The following DMD variants were observed in gnomAD, a reference collection of about 807,000 sequenced individuals.
DMD encodes dystrophin.
A neutral mutation model predicts 330.1 loss-of-function variants in DMD; 63 were observed. The ratio of observed to expected loss-of-function variants is 0.19; its 90% confidence interval spans 0.16 to 0.24. The LOEUF (loss-of-function observed/expected upper bound fraction) is 0.24. DMD is among the 10% of genes least tolerant of loss of function. The pLI is 1.00. For missense variants in DMD, 3,344 were observed against 2,684.1 expected, an observed-to-expected ratio of 1.25 and a Z score of -5.43; for synonymous variants, 1,223 against 959.8, an observed-to-expected ratio of 1.27 and a Z score of -5.07.
chrX:33,105,612 C>T (rs1180550144), intron 1 of DMD, among the ~76,000 whole-genome samples: 2 of 111,610 alleles, frequency 1.8e-5, no homozygotes, highest in Non-Finnish European at 3.8e-5. Context: ...AGCTTGGAAA[C>T]GACAAGAATA....
Position 31,986,469 on chromosome X carries a change from G to A in DMD, c.6439-17955C>T, listed in dbSNP as rs768063846. On this transcript the variant is annotated intron_variant, in intron 44 of 78. Coordinates refer to ENST00000357033, the MANE Select transcript of DMD (RefSeq NM_004006.3). ...CGCTCTGTCACCAGGCTGGAATACA[G>A]TGGTGTGATCCCGGCTCACTGCAAC... Among the ~76,000 whole-genome samples the A allele has an allele frequency of 2.7e-5, 3 of 111,028 alleles. No homozygotes were observed. The East Asian group carries it at 8.6e-4, about 32-fold the overall frequency.
chrX:31,149,138 T>C (rs2037087114), intron 74 of DMD, among the ~76,000 whole-genome samples: 1 of 112,514 alleles, frequency 8.9e-6, no homozygotes, highest in African/African-American at 3.2e-5. Context: ...AATCTATTTT[T>C]GTGCTTGCCG....
At chrX:31,590,130 T>C (rs1719553777) in intron 55 of DMD, among the ~76,000 whole-genome samples, 1 of 110,970 alleles carries the variant, frequency 9.0e-6, no homozygotes, top group South Asian at 3.8e-4. Flanking sequence ...GTGGCAAATG[T>C]ATTTCAAATA....
intron 11 of DMD, among the ~76,000 whole-genome samples, chrX:32,639,033 T>C (rs1332681377): frequency 8.9e-6 from 1 of 111,834 alleles, no homozygotes; most frequent in East Asian, 2.8e-4. Flanking sequence ...CTCCTGCTGA[T>C]ATAAACCAAA....
intron 63 of DMD, among the ~76,000 whole-genome samples, chrX:31,247,316 T>C (rs181446235): frequency 9.0e-5 from 10 of 111,389 alleles, no homozygotes; most frequent in African/African-American, 3.3e-4. Context: ...GGAAAATCTC[T>C]GGAAGTCAGG....
At chrX:31,697,132 T>C (rs1333781285) in intron 52 of DMD, among the ~76,000 whole-genome samples, 1 of 111,826 alleles carries the variant, frequency 8.9e-6, no homozygotes, top group Non-Finnish European at 1.9e-5. Context: ...TGTCCATAAC[T>C]GAGCATCAAT....
intron 21 of DMD, among the ~76,000 whole-genome samples, chrX:32,475,461 C>T (rs1325321491): frequency 9.0e-6 from 1 of 111,453 alleles, no homozygotes; most frequent in African/African-American, 3.3e-5. Flanking sequence ...GTCATTTTCA[C>T]AATACTGATT....
intron 2 of DMD, among the ~76,000 whole-genome samples, chrX:32,880,706 C>T (rs754681734): frequency 3.6e-5 from 4 of 112,356 alleles, no homozygotes; most frequent in South Asian, 3.7e-4. Context: ...GCACTTTAGA[C>T]GGCCGAGGTG....
At chrX:31,347,813 T>C (rs1189424055) in intron 61 of DMD, among the ~76,000 whole-genome samples, 1 of 112,571 alleles carries the variant, frequency 8.9e-6, no homozygotes, top group African/African-American at 3.2e-5. Flanking sequence ...ATACTGTTAC[T>C]AATTTACTGT....
At chrX:32,697,156 T>A (rs776146196) in intron 9 of DMD, among the ~76,000 whole-genome samples, 3 of 111,891 alleles carry the variant, frequency 2.7e-5, no homozygotes, top group Admixed American at 1.9e-4. Context: ...AATCTAGCAA[T>A]CCTAGCACAT....
intron 18 of DMD, among the ~76,000 whole-genome samples, chrX:32,510,180 C>T (rs2045134894): frequency 8.9e-6 from 1 of 111,931 alleles, no homozygotes; most frequent in African/African-American, 3.3e-5. Flanking sequence ...TAATTAACTT[C>T]CTTAACCTTT....
At chrX:32,595,999 C>G in intron 12 of DMD, 123 bp from the exon 13 acceptor site, 1 of 649,771 alleles carries the variant, frequency 1.5e-6, no homozygotes, top group Non-Finnish European at 2.4e-6. Flanking sequence ...TTTTTATTAA[C>G]CTAAAACCAT....
chrX:32,733,382 G>A lies in DMD; in HGVS notation c.650-34089C>T, dbSNP rs773229084. On this transcript the variant is annotated intron_variant, in intron 7 of 78. Coordinates refer to ENST00000357033, the MANE Select transcript of DMD (RefSeq NM_004006.3). ...GACAGAAAGCCAACAAGGATACCCA[G>A]GAATTGAACTCAGCTCTGCACCAAG... Among the ~76,000 whole-genome samples, 395 of 109,350 alleles carry A rather than the reference G, an allele frequency of 3.6e-3. 3 individuals are homozygous for A. Among genetic ancestry groups the A allele is most frequent in the African/African-American group, 0.012 (357 of 29,290 alleles). The allele number at this position is 109,350 out of a possible 115,157, so 95.0% of individuals were successfully genotyped here.
chrX:33,186,078 G>A (rs977815552), intron 1 of DMD, among the ~76,000 whole-genome samples: 5 of 111,521 alleles, frequency 4.5e-5, no homozygotes, highest in Non-Finnish European at 7.5e-5. Context: ...TAATTACTGT[G>A]CCATAGAGCA....
At chrX:31,882,206 T>C (rs371235954) in intron 47 of DMD, among the ~76,000 whole-genome samples, 1 of 112,060 alleles carries the variant, frequency 8.9e-6, no homozygotes, top group South Asian at 3.7e-4. Context: ...CATGAATATT[T>C]ATTATAATTA....
chrX:33,058,790 T>C (rs191302727), intron 1 of DMD, among the ~76,000 whole-genome samples: 9 of 111,955 alleles, frequency 8.0e-5, no homozygotes, highest in Admixed American at 7.6e-4. Flanking sequence ...ACCATTCGGA[T>C]GCATATATAG....
chrX:33,070,473 C>A (rs1316194806), intron 1 of DMD, among the ~76,000 whole-genome samples: 1 of 109,670 alleles, frequency 9.1e-6, no homozygotes, highest in African/African-American at 3.3e-5. Flanking sequence ...ACTACAGGAA[C>A]TACCAATAAG....
chrX:33,172,997 A>T (rs1010820187), intron 1 of DMD, among the ~76,000 whole-genome samples: 1 of 111,160 alleles, frequency 9.0e-6, no homozygotes, highest in African/African-American at 3.3e-5. Context: ...TACTTAACAA[A>T]TTTTTTTTAC....
chrX:32,362,173 G>C (rs180695440), intron 37 of DMD, among the ~76,000 whole-genome samples: 26 of 111,550 alleles, frequency 2.3e-4, no homozygotes, highest in African/African-American at 8.4e-4. Context: ...TGTAAGCTTT[G>C]CAATGATTTG....
Sources: gnomAD v4.1 joint callset for allele counts (sites outside exome capture counted in the v4.1 genomes callset) on GRCh38, gnomAD v4.1.1 for gene constraint, MANE v1.5 for transcripts, NCBI Gene and HGNC (gene_info 2026-07-23, HGNC 2026-07-21) for gene names.